Variants in SYNDIG1L observed in about 807,000 individuals in gnomAD.
SYNDIG1L encodes synapse differentiation inducing 1 like.
In SYNDIG1L, 13 loss-of-function variants were observed where a neutral mutation model predicts 20.1. The observed-to-expected ratio is 0.65, with a 90% CI of 0.42 to 1.03. The LOEUF is 1.03. Ranked by LOEUF, SYNDIG1L falls within the 50% of genes least tolerant of loss-of-function variation. SYNDIG1L has a pLI of 0.00. For synonymous variants in SYNDIG1L, 128 were observed against 129.3 expected, an observed-to-expected ratio of 0.99 and a Z score of 0.07; for missense variants, 294 against 305.1, an observed-to-expected ratio of 0.96 and a Z score of 0.27.
Position 74,407,654 on chromosome 14 carries a change from T to A in SYNDIG1L, c.598A>T (p.Ser200Cys). ...AISKGDFRLASTTSRRALFLA... is the reference protein window; with the variant it reads ...AISKGDFRLACTTSRRALFLA... ...AAGAGGGCCCGGCGGGAGGTGGTGC[T>A]GGCCAGGCGGAAGTCCCCTTTGGAG... Residue 200 changes from serine (S) to cysteine (C), a missense_variant, in exon 4 of 4, where the codon AGC (serine) becomes TGC (cysteine). By Grantham distance (112) the Ser-to-Cys change is moderately radical. Coordinates refer to ENST00000331628, the MANE Select transcript of SYNDIG1L (RefSeq NM_001105579.2). 1 of 1,612,984 alleles carries A rather than the reference T, an allele frequency of 6.2e-7. No individual in the cohort carries two copies. The highest frequency in any genetic ancestry group is 8.5e-7 in the Non-Finnish European group (1 of 1,179,436).
chr14:74,427,013 G>A (rs886356329), upstream of SYNDIG1L, among the ~76,000 whole-genome samples: 4 of 151,622 alleles, frequency 2.6e-5, no homozygotes, highest in Admixed American at 1.3e-4. Flanking sequence ...GTGAGTGAGC[G>A]TCCCCCTGAG....
chr14:74,461,081 C>T, the SYNDIG1L span, among the ~76,000 whole-genome samples: 4 of 151,884 alleles, frequency 2.6e-5, no homozygotes, highest in Admixed American at 6.6e-5. Flanking sequence ...ATCTAGCATG[C>T]TGGGCACCAC....
chr14:74,426,899 A>C (rs1359487797), upstream of SYNDIG1L, among the ~76,000 whole-genome samples: 1 of 152,022 alleles, frequency 6.6e-6, no homozygotes, highest in Non-Finnish European at 1.5e-5. Context: ...CGAGCAAGTT[A>C]CCTAACCTCT....
the SYNDIG1L span, chr14:74,472,161 T>C: frequency 6.6e-6 from 1 of 152,230 alleles, no homozygotes; most frequent in African/African-American, 2.4e-5. Flanking sequence ...TACCTATTTA[T>C]TGATTTCAAA....
At position 74,409,091 on chromosome 14, in the gene SYNDIG1L, T is replaced by TA. The variant is rs1324509577; in HGVS notation, c.417+236_417+237insT. On this transcript the variant is annotated intron_variant, in intron 2 of 3. Coordinates refer to ENST00000331628, the MANE Select transcript of SYNDIG1L (RefSeq NM_001105579.2). ...TTATTTATTTATTTATTTATTTATATTTTTTTGAGTCAGGCTCTTGCTCTA... is the reference window on the plus strand; with the variant it reads ...TTATTTATTTATTTATTTATTTATATATTTTTTGAGTCAGGCTCTTGCTCTA... Among the ~76,000 whole-genome samples the TA allele has an allele frequency of 1.1e-3, 168 of 150,416 alleles. 1 individual carries two copies. The highest frequency in any genetic ancestry group is 5.5e-3 in the South Asian group (26 of 4,770).
the SYNDIG1L span, among the ~76,000 whole-genome samples, chr14:74,452,483 T>C: frequency 6.6e-6 from 1 of 152,174 alleles, no homozygotes; most frequent in African/African-American, 2.4e-5. Context: ...ACAAGTTCTC[T>C]CTCTTTGCTG....
the SYNDIG1L span, among the ~76,000 whole-genome samples, chr14:74,437,088 C>T: frequency 5.7e-4 from 87 of 152,308 alleles, no homozygotes; most frequent in Middle Eastern, 6.8e-3. Flanking sequence ...TTATGCCTGA[C>T]ATAAGTAAAC....
chr14:74,432,653 C>T, the SYNDIG1L span, among the ~76,000 whole-genome samples: 5 of 152,102 alleles, frequency 3.3e-5, no homozygotes, highest in Non-Finnish European at 7.4e-5. Context: ...GTCAGGAGTT[C>T]GAGACCAGCT....
chr14:74,468,961 GA>G, the SYNDIG1L span, among the ~76,000 whole-genome samples: 1 of 152,250 alleles, frequency 6.6e-6, no homozygotes, highest in African/African-American at 2.4e-5. Flanking sequence ...TCTGGTCTAT[GA>G]CAGGATTGGT....
Position 74,409,459 on chromosome 14 carries a change from C to G in SYNDIG1L, c.286G>C (p.Glu96Gln). ...TGCTCTGGAGGCCCCTCCTGGGGCT[C>G]CCTGTCCTCTGTGAAGCTTGTCTCA... Reference protein sequence around the residue: ...SCETSFTEDREPQEGPPEQPT... With the variant: ...SCETSFTEDRQPQEGPPEQPT... The change falls in exon 2 of 4, where the codon GAG becomes CAG. Residue 96 changes from glutamate to glutamine, a missense_variant. Transcript: ENST00000331628. 1 of 1,613,664 alleles carries G rather than the reference C, an allele frequency of 6.2e-7. No homozygotes were observed. The highest frequency in any genetic ancestry group is 8.5e-7 in the Non-Finnish European group (1 of 1,179,818).
the SYNDIG1L span, among the ~76,000 whole-genome samples, chr14:74,446,251 C>T: frequency 6.6e-6 from 1 of 152,130 alleles, no homozygotes; most frequent in Middle Eastern, 3.4e-3. Flanking sequence ...GAGAAACAGC[C>T]TAAATATTCC....
At chr14:74,454,873 A>G in the SYNDIG1L span, among the ~76,000 whole-genome samples, 8 of 152,198 alleles carry the variant, frequency 5.3e-5, no homozygotes, top group African/African-American at 1.7e-4. Flanking sequence ...GTATGTGTCA[A>G]TCTGGTTAGG....
chr14:74,443,774 T>C, the SYNDIG1L span, among the ~76,000 whole-genome samples: 1,780 of 152,298 alleles, frequency 0.012, 45 homozygotes, highest in African/African-American at 0.041. Flanking sequence ...GATTGAATCT[T>C]CTTTCTTCAG....
At chr14:74,465,663 G>T in the SYNDIG1L span, among the ~76,000 whole-genome samples, 1 of 152,156 alleles carries the variant, frequency 6.6e-6, no homozygotes, top group Non-Finnish European at 1.5e-5. Flanking sequence ...TCCAGGTTCT[G>T]ACAGCCAGCA....
At chr14:74,459,902 C>T in the SYNDIG1L span, among the ~76,000 whole-genome samples, 5 of 152,342 alleles carry the variant, frequency 3.3e-5, no homozygotes, top group African/African-American at 1.2e-4. Flanking sequence ...GCCAAATCTA[C>T]TGTCCCCAGG....
At chr14:74,464,811 G>T in the SYNDIG1L span, among the ~76,000 whole-genome samples, 3 of 152,162 alleles carry the variant, frequency 2.0e-5, no homozygotes, top group East Asian at 5.8e-4. Flanking sequence ...GGGTGTGCAG[G>T]CAGTGAAAAC....
At chr14:74,424,096 G>A (rs1269830901) in intron 1 of SYNDIG1L, among the ~76,000 whole-genome samples, 3 of 152,080 alleles carry the variant, frequency 2.0e-5, no homozygotes, top group Admixed American at 6.5e-5. Context: ...TTACTAAAAG[G>A]TCATTAACTT....
At chr14:74,428,309 C>G (rs899998655), upstream of SYNDIG1L, among the ~76,000 whole-genome samples, 1 of 152,216 alleles carries the variant, frequency 6.6e-6, no homozygotes, top group Non-Finnish European at 1.5e-5. Context: ...CTAACCTTTA[C>G]CTCTCACAAG....
At chr14:74,460,669 T>G in the SYNDIG1L span, among the ~76,000 whole-genome samples, 1 of 152,214 alleles carries the variant, frequency 6.6e-6, no homozygotes, top group Non-Finnish European at 1.5e-5. Context: ...TCACTCTTGC[T>G]TCGGCTCCCA....
Sources: allele counts gnomAD v4.1 joint callset (sites outside exome capture counted in the v4.1 genomes callset), GRCh38; gene constraint gnomAD v4.1.1; transcripts MANE v1.5; gene names NCBI Gene and HGNC (gene_info 2026-07-23, HGNC 2026-07-21).